The following RIN3 variants were observed in gnomAD, a reference collection of about 807,000 sequenced individuals.
The protein encoded by RIN3 is Ras and Rab interactor 3.
RIN3 carries 54 observed loss-of-function variants against 76.3 expected under a neutral mutation model. The ratio of observed to expected loss-of-function variants is 0.71; its 90% CI spans 0.57 to 0.89. RIN3 has a LOEUF of 0.89. Ranked by LOEUF, RIN3 falls within the 40% of genes least tolerant of loss-of-function variation. The pLI, the probability that RIN3 is intolerant of heterozygous loss-of-function variation, is 0.00. For missense variants in RIN3, 1,256 were observed against 1,322.1 expected (o/e 0.95, Z 0.78); for synonymous variants, 576 against 564.0 (o/e 1.02, Z -0.30).
Position 92,514,051 on chromosome 14 carries a change from T to C in RIN3, c.44+75T>C, listed in dbSNP as rs1896369292. The C allele has an allele frequency of 9.7e-7, 1 of 1,036,254 alleles. No individual in the cohort carries two copies. The highest frequency in any genetic ancestry group is 1.2e-6 in the Non-Finnish European group (1 of 807,884). 64.2% of individuals were successfully genotyped at this position (1,036,254 alleles called of 1,614,324 possible). A position where few individuals can be genotyped will look rare whatever the true frequency, so the allele number is the denominator to read the frequency against. ...GTCCTGGCCGCCCCACTCCACTTCT[T>C]GTCCCAGAGAGTCCTTCGGGCGCGT... On this transcript the variant is annotated intron_variant, in intron 1 of 9. Coordinates refer to ENST00000216487, the MANE Select transcript of RIN3 (RefSeq NM_024832.5). The surrounding 1 kb of genome is among the most constrained non-coding windows in gnomAD (Gnocchi z 7.2).
chr14:92,630,271 A>G (rs12590180), intron 4 of RIN3, among the ~76,000 whole-genome samples: 18,635 of 152,232 alleles, frequency 0.12, 1,596 homozygotes, highest in East Asian at 0.27. Context: ...CGGGTGGATC[A>G]CTTGACGTCA....
chr14:92,578,915 C>A (rs986857701), intron 3 of RIN3, among the ~76,000 whole-genome samples: 1 of 151,824 alleles, frequency 6.6e-6, no homozygotes, highest in Non-Finnish European at 1.5e-5. Flanking sequence ...GCCATAATTT[C>A]TTTTATTCTT....
chr14:92,556,804 T>C (rs1466622881), intron 2 of RIN3, among the ~76,000 whole-genome samples: 1 of 152,210 alleles, frequency 6.6e-6, no homozygotes, highest in Non-Finnish European at 1.5e-5. Flanking sequence ...TGGACAGACA[T>C]GTAAAAAGTA....
At chr14:92,674,510 G>A (rs1326488159) in intron 7 of RIN3, among the ~76,000 whole-genome samples, 1 of 152,116 alleles carries the variant, frequency 6.6e-6, no homozygotes, top group Non-Finnish European at 1.5e-5. Flanking sequence ...GGCTGAGGTG[G>A]AAAGATTGCT....
chr14:92,579,431 G>A (rs1898367909), intron 3 of RIN3, among the ~76,000 whole-genome samples: 1 of 152,242 alleles, frequency 6.6e-6, no homozygotes, highest in South Asian at 2.1e-4. Flanking sequence ...TGGCAAGATG[G>A]AATTGGTTGA....
chr14:92,513,954 C>A lies in RIN3; in HGVS notation c.22C>A (p.Pro8Thr). Residue 8 changes from proline to threonine, a missense_variant, in exon 1 of 10, where the codon CCC becomes ACC. By Grantham distance (38) the Pro-to-Thr change is conservative (BLOSUM62 -1). Coordinates refer to ENST00000216487, the MANE Select transcript of RIN3 (RefSeq NM_024832.5). ...CGGCATGATCCGACACGCCGGGGCG[C>A]CCGCGCGCGGGGACCCCACGGGGTA... MIRHAGA[P>T]ARGDPTGPVP... The A allele has an allele frequency of 8.0e-7, 1 of 1,245,468 alleles. No individual in the cohort carries two copies. 77.2% of individuals were successfully genotyped at this position (1,245,468 alleles called of 1,614,324 possible).
In RIN3 at chr14:92,549,367, G is replaced by A. The variant is rs190093028; in HGVS notation, c.45-6384G>A. On this transcript the variant is annotated intron_variant, in intron 1 of 9. Coordinates refer to ENST00000216487, the MANE Select transcript of RIN3 (RefSeq NM_024832.5). ...ATTGGAACTCTCTGAGCTGCTTCCT[G>A]GGGCTGACATAGGCAGCCCAAAGCC... 3.9e-4 allele frequency among the ~76,000 whole-genome samples: 60 copies of A among 152,220 alleles called. 1 individual carries two copies. In the East Asian group the frequency reaches 0.011, roughly 28 times the overall value.
At chr14:92,523,887 A>T (rs76995159) in intron 1 of RIN3, among the ~76,000 whole-genome samples, 9,513 of 152,188 alleles carry the variant, frequency 0.063, 1,008 homozygotes, top group African/African-American at 0.21. Context: ...TGTCCCCGCC[A>T]CACCAGCACA....
chr14:92,636,167 C>T (rs555553792), intron 4 of RIN3, among the ~76,000 whole-genome samples: 31 of 152,178 alleles, frequency 2.0e-4, no homozygotes, highest in Admixed American at 3.9e-4. Flanking sequence ...AAAACTGCTC[C>T]TGGACACTTA....
At chr14:92,518,706 C>G (rs1259095402) in intron 1 of RIN3, among the ~76,000 whole-genome samples, 3 of 151,824 alleles carry the variant, frequency 2.0e-5, no homozygotes, top group Admixed American at 2.0e-4. Flanking sequence ...GCTTGGTGTA[C>G]AGACTTGGGG....
intron 1 of RIN3, among the ~76,000 whole-genome samples, chr14:92,535,334 CTTTT>C (rs5810602): frequency 1.5e-5 from 2 of 130,010 alleles, no homozygotes; most frequent in African/African-American, 3.0e-5. Flanking sequence ...TTCTTTCTTT[CTTTT>C]TTTTTTTTTT....
chr14:92,603,709 C>G (rs538137848), intron 3 of RIN3, among the ~76,000 whole-genome samples: 3 of 152,186 alleles, frequency 2.0e-5, no homozygotes, highest in African/African-American at 4.8e-5. Context: ...GTTGTCTGCT[C>G]TTCTCACTTT....
intron 1 of RIN3, among the ~76,000 whole-genome samples, chr14:92,534,495 G>A (rs146671568): frequency 0.014 from 2,134 of 151,638 alleles, 17 homozygotes; most frequent in Middle Eastern, 0.027. Flanking sequence ...CAGGAGAATC[G>A]CTTGAACCTG....
At chr14:92,586,765 C>T (rs1245366120) in intron 3 of RIN3, among the ~76,000 whole-genome samples, 1 of 152,142 alleles carries the variant, frequency 6.6e-6, no homozygotes, top group Non-Finnish European at 1.5e-5. Flanking sequence ...GAGACAGGCT[C>T]ATGCATACAT....
chr14:92,551,278 G>C (rs754179281), intron 1 of RIN3, among the ~76,000 whole-genome samples: 10 of 152,174 alleles, frequency 6.6e-5, no homozygotes, highest in African/African-American at 2.4e-4. Context: ...GTGGTTGTGC[G>C]TGTGGTTAAT....
At position 92,558,898 on chromosome 14, in the gene RIN3, T is replaced by TC. The variant is rs1897678075; in HGVS notation, c.249+2943_249+2944insC. On this transcript the variant is annotated intron_variant, in intron 2 of 9. Transcript: ENST00000216487. ...TTTTCTTTTCTTTTCTTTTTTTTTT[T>TC]TTTTTGGTGAGACAGAGTCTTGCAG... Among the ~76,000 whole-genome samples the TC allele has an allele frequency of 3.3e-5, 5 of 149,886 alleles. No individual in the cohort carries two copies. The South Asian group carries it at 1.1e-3, about 32-fold the overall frequency.
At chr14:92,519,737 T>C (rs990843921) in intron 1 of RIN3, among the ~76,000 whole-genome samples, 2 of 152,206 alleles carry the variant, frequency 1.3e-5, no homozygotes, top group African/African-American at 4.8e-5. Flanking sequence ...GCAGTGACGC[T>C]GTGTGCCTCC....
At chr14:92,629,388 T>C (rs1196290147) in intron 4 of RIN3, among the ~76,000 whole-genome samples, 1 of 152,178 alleles carries the variant, frequency 6.6e-6, no homozygotes, top group Non-Finnish European at 1.5e-5. Context: ...CACTCCACAG[T>C]GTGGGAGCAG....
chr14:92,583,184 C>T (rs1884621936), intron 3 of RIN3, among the ~76,000 whole-genome samples: 1 of 152,324 alleles, frequency 6.6e-6, no homozygotes, highest in Non-Finnish European at 1.5e-5. Flanking sequence ...GGGAAAGGCC[C>T]AGGCCTGGAA....
Sources: gnomAD v4.1 joint callset for allele counts (sites outside exome capture counted in the v4.1 genomes callset) on GRCh38, gnomAD v4.1.1 for gene constraint, Gnocchi (gnomAD v3.1) non-coding constraint, MANE v1.5 for transcripts, NCBI Gene and HGNC (gene_info 2026-07-23, HGNC 2026-07-21) for gene names.